The following MAP4K5 variants were observed in gnomAD, a reference collection of about 807,000 sequenced individuals.
MAP4K5 encodes the protein MAPK/ERK kinase kinase kinase 5.
In MAP4K5, 82 loss-of-function variants were observed where a neutral mutation model predicts 135.6. The ratio of observed to expected loss-of-function variants is 0.60; its 90% CI spans 0.51 to 0.73. The LOEUF (loss-of-function observed/expected upper bound fraction) is 0.73. Ranked by LOEUF, MAP4K5 falls within the 30% of genes least tolerant of loss-of-function variation. MAP4K5 has a pLI of 0.00. For synonymous variants in MAP4K5, 347 were observed against 335.0 expected, an observed-to-expected ratio of 1.04 and a Z score of -0.39; for missense variants, 907 against 1,010.9, an observed-to-expected ratio of 0.90 and a Z score of 1.39.
At chr14:50,458,333 A>G (rs1020714724) in intron 13 of MAP4K5, among the ~76,000 whole-genome samples, 1 of 152,100 alleles carries the variant, frequency 6.6e-6, no homozygotes, top group East Asian at 1.9e-4. Flanking sequence ...GACAGTATTC[A>G]TGAGCATTTA....
intron 16 of MAP4K5, among the ~76,000 whole-genome samples, chr14:50,446,695 T>C (rs1277929604): frequency 1.3e-5 from 2 of 152,160 alleles, no homozygotes; most frequent in African/African-American, 2.4e-5. Context: ...ATACCAGAGG[T>C]TGGCAAACTT....
intron 5 of MAP4K5, among the ~76,000 whole-genome samples, chr14:50,483,410 G>C (rs2139917312): frequency 6.6e-6 from 1 of 152,256 alleles, no homozygotes; most frequent in South Asian, 2.1e-4. Flanking sequence ...AGGTAGTCAT[G>C]TGTATTCTTC....
chr14:50,425,326 A>G (rs960701669), intron 31 of MAP4K5, among the ~76,000 whole-genome samples: 9 of 152,034 alleles, frequency 5.9e-5, no homozygotes, highest in Non-Finnish European at 1.2e-4. Flanking sequence ...TTACTTAACC[A>G]CTCTGTAGCT....
chr14:50,532,052 T>A lies in MAP4K5; in HGVS notation c.-3A>T. On this transcript the variant is annotated 5_prime_UTR_variant, in exon 2 of 33. Coordinates refer to ENST00000682126, the MANE Select transcript of MAP4K5 (RefSeq NM_006575.6). Reference sequence around the variant, plus strand: ...GCAGGCCGCAGCGGGGCCTCCATCTTCACTTAGGGCCCGGCCCCCGCCAGC... The same window carrying A: ...GCAGGCCGCAGCGGGGCCTCCATCTACACTTAGGGCCCGGCCCCCGCCAGC... The A allele has an allele frequency of 6.5e-7, 1 of 1,546,298 alleles. No individual in the cohort carries two copies. The highest frequency in any genetic ancestry group is 8.8e-7 in the Non-Finnish European group (1 of 1,139,248).
chr14:50,494,326 ACTGGG>A (rs935733956), intron 3 of MAP4K5, among the ~76,000 whole-genome samples: 9 of 151,688 alleles, frequency 5.9e-5, no homozygotes, highest in Non-Finnish European at 7.4e-5. Context: ...ATGCCACCAC[ACTGGG>A]CTAATTTTTG....
chr14:50,488,181 G>C (rs892676023), intron 3 of MAP4K5, among the ~76,000 whole-genome samples: 3 of 152,056 alleles, frequency 2.0e-5, no homozygotes, highest in Non-Finnish European at 4.4e-5. Flanking sequence ...TGGCAGGTGA[G>C]AGAGTGTGTG....
intron 13 of MAP4K5, among the ~76,000 whole-genome samples, chr14:50,461,971 G>A (rs2036720818): frequency 6.6e-6 from 1 of 151,394 alleles, no homozygotes; most frequent in Non-Finnish European, 1.5e-5. Context: ...TTTCAGAGAA[G>A]GCAAGCACAG....
chr14:50,527,763 T>C (rs1259818523), intron 2 of MAP4K5, among the ~76,000 whole-genome samples: 8 of 151,740 alleles, frequency 5.3e-5, no homozygotes, highest in African/African-American at 1.7e-4. Flanking sequence ...CAATAAAGCT[T>C]AGAAAAAAAT....
At chr14:50,536,710 G>C (rs1245910852), upstream of MAP4K5, among the ~76,000 whole-genome samples, 1 of 152,228 alleles carries the variant, frequency 6.6e-6, no homozygotes, top group Non-Finnish European at 1.5e-5. Flanking sequence ...TGGAGCAAAG[G>C]TGACTTTTGT....
In MAP4K5 at chr14:50,474,969, G is replaced by A. The variant is rs557169385; in HGVS notation, c.542+108C>T. ...AACTTATGATACTGTCAAAGAGCAC[G>A]CAAATCTCCCTACTTTTAATTATTA... On this transcript the variant is annotated intron_variant, in intron 9 of 32. Coordinates refer to ENST00000682126, the MANE Select transcript of MAP4K5 (RefSeq NM_006575.6). 7.8e-5 allele frequency: 74 copies of A among 943,574 alleles called. No individual in the cohort carries two copies. In the South Asian group the frequency reaches 9.0e-4, roughly 11 times the overall value. The allele number at this position is 943,574 out of a possible 1,614,324, so 58.5% of individuals were successfully genotyped here. A position where few individuals can be genotyped will look rare whatever the true frequency, so the allele number is the denominator to read the frequency against.
At chr14:50,432,290 A>T (rs2035987974) in intron 28 of MAP4K5, among the ~76,000 whole-genome samples, 1 of 152,194 alleles carries the variant, frequency 6.6e-6, no homozygotes, top group South Asian at 2.1e-4. Flanking sequence ...TTAACAAATC[A>T]CTTGTAAAAA....
At chr14:50,524,682 T>C (rs1331273999) in intron 2 of MAP4K5, among the ~76,000 whole-genome samples, 1 of 150,990 alleles carries the variant, frequency 6.6e-6, no homozygotes, top group African/African-American at 2.4e-5. Context: ...GAAAGAGTGT[T>C]CTAAAGGAAT....
At chr14:50,474,947 T>G in intron 9 of MAP4K5, 130 bp downstream of exon 9, 1 of 765,010 alleles carries the variant, frequency 1.3e-6, no homozygotes, top group Non-Finnish European at 2.2e-6. Flanking sequence ...CAAACAGAAC[T>G]TATGATACTG....
At chr14:50,534,265 G>A (rs372713014), upstream of MAP4K5, among the ~76,000 whole-genome samples, 36 of 152,256 alleles carry the variant, frequency 2.4e-4, no homozygotes, top group African/African-American at 8.4e-4. Context: ...ATAAAAATAA[G>A]TGGGCAAACT....
intron 9 of MAP4K5, chr14:50,471,809 G>T (rs1365336977): frequency 1.3e-5 from 2 of 152,138 alleles, no homozygotes; most frequent in East Asian, 3.8e-4. Flanking sequence ...AATAATACTA[G>T]ACAGAAACCC....
chr14:50,496,479 TAC>T (rs774585344), intron 3 of MAP4K5, among the ~76,000 whole-genome samples: 2 of 152,046 alleles, frequency 1.3e-5, no homozygotes, highest in Admixed American at 6.5e-5. Context: ...AATATATATA[TAC>T]ACACACACAT....
chr14:50,475,529 T>C (rs1304777161), intron 8 of MAP4K5, among the ~76,000 whole-genome samples: 1 of 152,166 alleles, frequency 6.6e-6, no homozygotes, highest in Non-Finnish European at 1.5e-5. Flanking sequence ...TTTTTTACAG[T>C]CATTTTTTTC....
At chr14:50,485,932 A>G in intron 4 of MAP4K5, 172 bp downstream of exon 4, 1 of 541,642 alleles carries the variant, frequency 1.8e-6, no homozygotes, top group Non-Finnish European at 3.2e-6. Context: ...TGGGAGTACC[A>G]TTATTAATAT....
chr14:50,529,191 T>TGG (rs2038331959), intron 2 of MAP4K5, among the ~76,000 whole-genome samples: 3 of 151,896 alleles, frequency 2.0e-5, no homozygotes, highest in South Asian at 4.2e-4. Flanking sequence ...GAGACCAGAC[T>TGG]GGGAAACATG....
Sources: allele counts gnomAD v4.1 joint callset (sites outside exome capture counted in the v4.1 genomes callset), GRCh38; gene constraint gnomAD v4.1.1; transcripts MANE v1.5; gene names NCBI Gene and HGNC (gene_info 2026-07-23, HGNC 2026-07-21).